Variants in RBFOX1 observed in about 807,000 individuals in gnomAD.
RBFOX1 encodes RNA binding fox-1 homolog 1, also known as RNA binding protein fox-1 homolog 1.
In RBFOX1, 8 loss-of-function variants were observed where a neutral mutation model predicts 57.7. That is an observed-to-expected ratio of 0.14 (90% CI 0.08 to 0.25). The LOEUF is 0.25. RBFOX1 is among the 10% of genes least tolerant of loss of function. The pLI is 1.00. For missense variants in RBFOX1, 611 were observed against 548.5 expected (o/e 1.11, Z -1.14); for synonymous variants, 326 against 222.4 (o/e 1.47, Z -4.15).
chr16:7,112,678 G>GT (rs61659515), intron 4 of RBFOX1, among the ~76,000 whole-genome samples: 125,362 of 148,652 alleles, frequency 0.84, 53,278 homozygotes, highest in East Asian at 0.98. Context: ...GTGTGTGTGT[G>GT]GGTGTGGGTG....
intron 3 of RBFOX1, among the ~76,000 whole-genome samples, chr16:5,731,869 C>G (rs1031074313): frequency 6.6e-6 from 1 of 152,126 alleles, no homozygotes; most frequent in African/African-American, 2.4e-5. Context: ...GAAGACACCA[C>G]CATATCTCAC....
intron 1 of RBFOX1, among the ~76,000 whole-genome samples, chr16:6,057,651 A>C (rs977997864): frequency 2.0e-5 from 3 of 152,060 alleles, no homozygotes; most frequent in Non-Finnish European, 4.4e-5. Flanking sequence ...TCTCTAATGT[A>C]ATGACTTCGA....
At chr16:6,518,322 G>T (rs148491891) in intron 2 of RBFOX1, among the ~76,000 whole-genome samples, 1 of 152,134 alleles carries the variant, frequency 6.6e-6, no homozygotes, top group African/African-American at 2.4e-5. Context: ...TGCAAGATAC[G>T]TGATCCAGGG....
At chr16:6,330,333 G>T (rs1265201340) in intron 2 of RBFOX1, among the ~76,000 whole-genome samples, 2 of 152,176 alleles carry the variant, frequency 1.3e-5, no homozygotes, top group African/African-American at 4.8e-5. Flanking sequence ...TGAAGAACTT[G>T]AAGGTTTCAC....
At chr16:6,195,691 C>G (rs967004599) in intron 1 of RBFOX1, among the ~76,000 whole-genome samples, 5 of 151,278 alleles carry the variant, frequency 3.3e-5, no homozygotes, top group African/African-American at 1.2e-4. Context: ...TGCACTCCAG[C>G]CTGGGAAACA....
intron 4 of RBFOX1, among the ~76,000 whole-genome samples, chr16:7,413,016 C>T (rs374271949): frequency 6.0e-5 from 9 of 150,148 alleles, no homozygotes; most frequent in African/African-American, 1.5e-4. Context: ...CACTCCAGCC[C>T]GGGCGAAAGA....
chr16:6,979,221 C>G lies in RBFOX1; in HGVS notation c.-15-72836C>G, dbSNP rs539919950. On this transcript the variant is annotated intron_variant, in intron 3 of 15. Coordinates refer to ENST00000550418, the MANE Select transcript of RBFOX1 (RefSeq NM_018723.4). ...AAATCCCCAAGTCTCAGTTTTCCCACCTGTAAGAGGTGAATAAGAGAAAAA... is the reference window on the plus strand; with the variant it reads ...AAATCCCCAAGTCTCAGTTTTCCCAGCTGTAAGAGGTGAATAAGAGAAAAA... Among the ~76,000 whole-genome samples the G allele has an allele frequency of 7.9e-5, 12 of 152,164 alleles. 1 individual carries two copies. The highest frequency in any genetic ancestry group is 2.7e-4 in the African/African-American group (11 of 41,490).
chr16:6,814,739 C>G (rs1245721855), intron 3 of RBFOX1, among the ~76,000 whole-genome samples: 1 of 152,056 alleles, frequency 6.6e-6, no homozygotes. Flanking sequence ...GTCCTTCAGT[C>G]TGGAACCCTG....
At chr16:7,202,331 G>A (rs145855960) in intron 4 of RBFOX1, among the ~76,000 whole-genome samples, 8 of 150,712 alleles carry the variant, frequency 5.3e-5, no homozygotes, top group South Asian at 2.1e-4. Flanking sequence ...CAGAAAACAC[G>A]TGTTGATAAG....
rs74325885 is a variant in RBFOX1, at chr16:5,609,325, C to T, written c.318+10364C>T. Among the ~76,000 whole-genome samples, 1,419 of 152,278 alleles carry T rather than the reference C, an allele frequency of 9.3e-3. 22 individuals carry two copies. The highest frequency in any genetic ancestry group is 0.032 in the African/African-American group (1,333 of 41,538). ...AATTTCCAATACGCCATCAGTCTAT[C>T]CCATTACCAGCAAAACCCATCCAGC... On this transcript the variant is annotated intron_variant, in intron 3 of 19. Transcript: ENST00000641259.
chr16:6,822,743 G>A (rs757214240), intron 3 of RBFOX1, among the ~76,000 whole-genome samples: 4 of 152,130 alleles, frequency 2.6e-5, no homozygotes, highest in Non-Finnish European at 5.9e-5. Context: ...GAAGGGAGAG[G>A]GGTGGAAAAG....
At chr16:5,859,606 A>G (rs983801514) in intron 3 of RBFOX1, among the ~76,000 whole-genome samples, 25 of 152,192 alleles carry the variant, frequency 1.6e-4, no homozygotes, top group African/African-American at 5.8e-4. Flanking sequence ...ATCACAAAGA[A>G]CAGCATAGGT....
chr16:5,857,966 G>A (rs921453478), intron 3 of RBFOX1, among the ~76,000 whole-genome samples: 8 of 151,832 alleles, frequency 5.3e-5, no homozygotes, highest in African/African-American at 1.7e-4. Flanking sequence ...AAAAAGAAAT[G>A]TTATAAAATA....
rs562220260 is a variant in RBFOX1, at chr16:6,690,608, C to G, written c.-16+35958C>G. ...CTTATGTATCATTATTTAGTAAGAC[C>G]AAGCAGGGATTGGTTGATTCGTTGG... On this transcript the variant is annotated intron_variant, in intron 3 of 15. Transcript: ENST00000550418. Among the ~76,000 whole-genome samples the G allele has an allele frequency of 4.8e-4, 73 of 152,036 alleles. 1 individual carries two copies. The highest frequency in any genetic ancestry group is 1.6e-4 in the Non-Finnish European group (11 of 67,990).
At chr16:5,495,292 C>G (rs1484495002) in intron 2 of RBFOX1, among the ~76,000 whole-genome samples, 6 of 152,224 alleles carry the variant, frequency 3.9e-5, no homozygotes, top group Admixed American at 3.3e-4. Flanking sequence ...AGTCTTTCCT[C>G]TAGAGTCTGC....
At chr16:7,465,973 A>G (rs1038409951) in intron 4 of RBFOX1, among the ~76,000 whole-genome samples, 2 of 152,234 alleles carry the variant, frequency 1.3e-5, no homozygotes, top group African/African-American at 4.8e-5. Flanking sequence ...GGAAGCAGAC[A>G]TCTCTCTAAC....
chr16:7,346,907 A>C (rs531486052), intron 4 of RBFOX1, among the ~76,000 whole-genome samples: 1 of 152,310 alleles, frequency 6.6e-6, no homozygotes, highest in South Asian at 2.1e-4. Flanking sequence ...CTTCAAAAAA[A>C]ACGAGAGGGG....
rs746826583 is a variant in RBFOX1 at position 7,360,855 on chromosome 16, C to T, written c.28-157292C>T. On this transcript the variant is annotated intron_variant, in intron 4 of 15. Coordinates refer to ENST00000550418, the MANE Select transcript of RBFOX1 (RefSeq NM_018723.4). The stretch of plus-strand genomic sequence containing the variant: ...TCCAGCCCTGCCTCCCAGAGATTTC[C>T]CAGGTCACCTTGACATCTTCGAGTA... Among the ~76,000 whole-genome samples, 8 of 152,314 alleles carry T rather than the reference C, an allele frequency of 5.3e-5. No individual in the cohort carries two copies. The South Asian group carries it at 8.3e-4, about 16-fold the overall frequency.
At chr16:7,602,973 T>C (rs527335166) in intron 9 of RBFOX1, among the ~76,000 whole-genome samples, 1 of 152,340 alleles carries the variant, frequency 6.6e-6, no homozygotes, top group African/African-American at 2.4e-5. Flanking sequence ...TTCAACAGTG[T>C]GCTCCTGAAT....
Sources: allele counts gnomAD v4.1 joint callset (sites outside exome capture counted in the v4.1 genomes callset), GRCh38; gene constraint gnomAD v4.1.1; transcripts MANE v1.5; gene names NCBI Gene and HGNC (gene_info 2026-07-23, HGNC 2026-07-21).